The following KIF4A variants were observed in gnomAD, a reference collection of about 807,000 sequenced individuals.
KIF4A encodes the protein kinesin family member 4A.
In KIF4A, 7 loss-of-function variants were observed where a neutral mutation model predicts 105.9. That is an observed-to-expected ratio of 0.07 (90% CI 0.04 to 0.12). The LOEUF (loss-of-function observed/expected upper bound fraction) is 0.12. KIF4A is among the 10% of genes least tolerant of loss of function. The pLI, the probability that KIF4A is intolerant of heterozygous loss-of-function variation, is 1.00. For missense variants in KIF4A, 558 were observed against 929.2 expected, an observed-to-expected ratio of 0.60 and a Z score of 5.19; for synonymous variants, 281 against 331.3, an observed-to-expected ratio of 0.85 and a Z score of 1.65.
At chrX:70,331,806 T>G in intron 9 of KIF4A, among the ~76,000 whole-genome samples, 1 of 112,468 alleles carries the variant, frequency 8.9e-6, no homozygotes, top group East Asian at 2.8e-4. Context: ...TAATTTACAT[T>G]TTTAAACAAT....
intron 15 of KIF4A, among the ~76,000 whole-genome samples, chrX:70,373,914 T>C (rs1332007772): frequency 9.7e-6 from 1 of 103,100 alleles, no homozygotes; most frequent in Non-Finnish European, 2.0e-5. Flanking sequence ...GAAGTGACTT[T>C]CCTTAAAGAT....
At chrX:70,361,787 A>G (rs1215819529) in intron 15 of KIF4A, among the ~76,000 whole-genome samples, 1 of 112,184 alleles carries the variant, frequency 8.9e-6, no homozygotes, top group Non-Finnish European at 1.9e-5. Context: ...CTGGTCCTGC[A>G]GTGACCATAC....
intron 27 of KIF4A, 143 bp from the exon 28 acceptor site, chrX:70,406,750 T>C: frequency 4.8e-6 from 3 of 629,763 alleles, no homozygotes; most frequent in Non-Finnish European, 7.3e-6. Flanking sequence ...TTCTGATTGG[T>C]AAAGCCAAGT....
intron 27 of KIF4A, 112 bp downstream of exon 27, chrX:70,406,466 C>T (rs780653305): frequency 3.5e-6 from 2 of 571,686 alleles, no homozygotes; most frequent in African/African-American, 4.6e-5. Context: ...TCTAGCATCT[C>T]ACTTTTCTTT....
intron 20 of KIF4A, among the ~76,000 whole-genome samples, chrX:70,389,274 A>T (rs2147730871): frequency 9.5e-6 from 1 of 105,295 alleles, no homozygotes; most frequent in Non-Finnish European, 1.9e-5. Flanking sequence ...TTAAAACAGA[A>T]ATATTTGTCT....
chrX:70,314,679 C>G lies in KIF4A; in HGVS notation c.778+12281C>G, dbSNP rs1408551417. On this transcript the variant is annotated intron_variant, in intron 7 of 30. Coordinates refer to ENST00000374403, the MANE Select transcript of KIF4A (RefSeq NM_012310.5). ...AGAGAAAGACTGGACAATCAAAGAG[C>G]CACTAGTAAATATTAAATAATATTA... Among the ~76,000 whole-genome samples the G allele has an allele frequency of 1.8e-5, 2 of 111,096 alleles. 1 individual carries two copies. Among genetic ancestry groups the G allele is most frequent in the Non-Finnish European group, 3.8e-5 (2 of 53,031 alleles).
chrX:70,401,494 G>C (rs1260909514), intron 22 of KIF4A, among the ~76,000 whole-genome samples: 1 of 104,420 alleles, frequency 9.6e-6, no homozygotes, highest in Non-Finnish European at 2.0e-5. Context: ...CCCACCTCCC[G>C]GGTTCAAGTG....
At chrX:70,356,055 A>C (rs1432188782) in intron 15 of KIF4A, among the ~76,000 whole-genome samples, 2 of 110,989 alleles carry the variant, frequency 1.8e-5, no homozygotes, top group African/African-American at 6.6e-5. Context: ...TGCAGTGGGC[A>C]GATCACTTGA....
chrX:70,305,908 C>CT (rs2085825025), intron 7 of KIF4A, among the ~76,000 whole-genome samples: 1 of 111,772 alleles, frequency 8.9e-6, no homozygotes, highest in African/African-American at 3.3e-5. Context: ...GTTATTATGC[C>CT]TTTTTAATTA....
intron 15 of KIF4A, among the ~76,000 whole-genome samples, chrX:70,356,218 C>G (rs779335297): frequency 9.1e-6 from 1 of 110,159 alleles, no homozygotes; most frequent in Non-Finnish European, 1.9e-5. Context: ...GAGGTGGAGG[C>G]TGCAGTGAGC....
At chrX:70,326,882 C>T (rs1403255025) in intron 7 of KIF4A, among the ~76,000 whole-genome samples, 3 of 111,979 alleles carry the variant, frequency 2.7e-5, no homozygotes, top group African/African-American at 3.2e-5. Flanking sequence ...CCCCAACTCT[C>T]ATTTGAAGAA....
At position 70,373,541 on chromosome X, in the gene KIF4A, TATATATATATATATAC is replaced by T. The variant is rs1569245424; in HGVS notation, c.1675-609_1675-594del. ...GTGTGTATGTATATATATATATATATATATATATATATATACGTATATATATACATATATACGTGTA... is the reference window on the plus strand; with the variant it reads ...GTGTGTATGTATATATATATATATATGTATATATATACATATATACGTGTA... On this transcript the variant is annotated intron_variant, in intron 15 of 30. Coordinates refer to ENST00000374403, the MANE Select transcript of KIF4A (RefSeq NM_012310.5). Among the ~76,000 whole-genome samples, 80 of 52,290 alleles carry T rather than the reference TATATATATATATATAC, an allele frequency of 1.5e-3. 16 individuals are homozygous for T. Among genetic ancestry groups the T allele is most frequent in the African/African-American group, 4.5e-3 (66 of 14,607 alleles). 45.4% of individuals were successfully genotyped at this position (52,290 alleles called of 115,157 possible).
At chrX:70,313,087 G>A (rs771058650) in intron 7 of KIF4A, among the ~76,000 whole-genome samples, 99 of 111,234 alleles carry the variant, frequency 8.9e-4, no homozygotes, top group Non-Finnish European at 1.7e-3. Flanking sequence ...AGATCCTCAT[G>A]TTCTTTTTTT....
chrX:70,373,524 G>A (rs28670746), intron 15 of KIF4A, among the ~76,000 whole-genome samples: 3,315 of 5,711 alleles, frequency 0.58, 1,045 homozygotes, highest in East Asian at 0.71. Context: ...GTGTGTGTAT[G>A]TATATATATA....
At chrX:70,304,751 C>T (rs1161498945) in intron 7 of KIF4A, among the ~76,000 whole-genome samples, 1 of 105,722 alleles carries the variant, frequency 9.5e-6, no homozygotes, top group African/African-American at 3.5e-5. Flanking sequence ...CTCCACCTTC[C>T]AGGTTCAGGC....
chrX:70,409,817 GA>G (rs1260596674), intron 28 of KIF4A, among the ~76,000 whole-genome samples: 1 of 102,557 alleles, frequency 9.8e-6, no homozygotes, highest in Admixed American at 1.1e-4. Flanking sequence ...AAAAAGAAAA[GA>G]AAAAAAATGG....
chrX:70,395,857 T>A (rs1399176147), intron 21 of KIF4A, 31 bp downstream of exon 21: 1 of 1,206,071 alleles, frequency 8.3e-7, no homozygotes, highest in Admixed American at 2.2e-5. Flanking sequence ...ATGTTGCCAA[T>A]AATCAGACTC....
chrX:70,333,497 T>TA (rs2085939237), intron 9 of KIF4A, 131 bp from the exon 10 acceptor site: 3 of 480,534 alleles, frequency 6.2e-6, no homozygotes, highest in East Asian at 3.7e-5. Flanking sequence ...GTATCTAAGG[T>TA]ATGCTATCTG....
chrX:70,363,200 T>C (rs1197374451), intron 15 of KIF4A, among the ~76,000 whole-genome samples: 2 of 110,608 alleles, frequency 1.8e-5, no homozygotes, highest in Non-Finnish European at 3.8e-5. Context: ...GGTAAGACAA[T>C]TAGGGACTAA....
Sources: allele counts gnomAD v4.1 joint callset (sites outside exome capture counted in the v4.1 genomes callset), GRCh38; gene constraint gnomAD v4.1.1; transcripts MANE v1.5; gene names NCBI Gene and HGNC (gene_info 2026-07-23, HGNC 2026-07-21).